The following MXRA5 variants were observed in gnomAD, a reference collection of about 807,000 sequenced individuals.
The protein encoded by MXRA5 is matrix remodeling associated 5, also known as matrix-remodeling-associated protein 5.
MXRA5 carries 41 observed loss-of-function variants against 112.5 expected under a neutral mutation model. The ratio of observed to expected loss-of-function variants is 0.36; its 90% CI spans 0.28 to 0.47. MXRA5 has a LOEUF of 0.47. Ranked by LOEUF, MXRA5 falls within the 20% of genes least tolerant of loss-of-function variation. MXRA5 has a pLI of 0.99. For missense variants in MXRA5, 2,150 were observed against 2,251.0 expected (o/e 0.96, Z 0.91); for synonymous variants, 862 against 900.8 (o/e 0.96, Z 0.77).
intron 5 of MXRA5, among the ~76,000 whole-genome samples, chrX:3,318,981 C>A (rs1490685592): frequency 1.8e-5 from 2 of 111,590 alleles, no homozygotes; most frequent in African/African-American, 6.5e-5. Context: ...ACTGCATGAT[C>A]TCACTTATAT....
intron 2 of MXRA5, among the ~76,000 whole-genome samples, chrX:3,332,323 T>C (rs1476967589): frequency 6.3e-5 from 7 of 111,032 alleles, no homozygotes; most frequent in East Asian, 5.7e-4. Flanking sequence ...CGGCTCACTG[T>C]AAGCTCCGCC....
rs1188399848 is a variant in MXRA5, at chrX:3,317,153, C to T, written c.6528G>A (p.Pro2176=). ...TGGACGGCAGCCTCCAGAGGATGCGCGGCCAGGGGTCCCCCGAGGCGCTGC... is the reference window on the plus strand; with the variant it reads ...TGGACGGCAGCCTCCAGAGGATGCGTGGCCAGGGGTCCCCCGAGGCGCTGC... ...LDCSASGDPW[P]RILWRLPSKR... The change falls in exon 6 of 7, where the codon CCG becomes CCA. Residue 2176 remains proline, a synonymous_variant. Coordinates refer to ENST00000217939, the MANE Select transcript of MXRA5 (RefSeq NM_015419.4). 1.7e-6 allele frequency: 2 copies of T among 1,198,222 alleles called. No homozygotes were observed. Among genetic ancestry groups the T allele is most frequent in the African/African-American group, 3.5e-5 (2 of 57,271 alleles).
intron 2 of MXRA5, among the ~76,000 whole-genome samples, chrX:3,332,082 A>G (rs991843058): frequency 1.8e-5 from 2 of 112,091 alleles, no homozygotes; most frequent in African/African-American, 3.2e-5. Context: ...TTCCAAAGTC[A>G]ACAGAAACAC....
chrX:3,322,486 G>A lies in MXRA5; in HGVS notation c.3199C>T (p.Leu1067=). The A allele has an allele frequency of 1.7e-6, 2 of 1,211,590 alleles. No homozygotes were observed. The change falls in exon 5 of 7, where the codon CTA becomes TTA. Residue 1067 remains leucine (L), a synonymous_variant. Coordinates refer to ENST00000217939, the MANE Select transcript of MXRA5 (RefSeq NM_015419.4). ...KKGMKEMSQT[L]QGGNMLEGDP... ...CCCTCTAGCATATTTCCTCCCTGTAGTGTCTGAGACATCTCTTTCATACCC... is the reference window on the plus strand; with the variant it reads ...CCCTCTAGCATATTTCCTCCCTGTAATGTCTGAGACATCTCTTTCATACCC...
At chrX:3,332,314 G>T (rs1340597073) in intron 2 of MXRA5, among the ~76,000 whole-genome samples, 2 of 109,975 alleles carry the variant, frequency 1.8e-5, no homozygotes, top group Non-Finnish European at 3.8e-5. Flanking sequence ...GGCCCATCTC[G>T]GCTCACTGTA....
rs1210944162 is a variant in MXRA5 at position 3,311,588 on chromosome X, G to A, written c.6615C>T (p.Thr2205=). Residue 2205 remains threonine (T), a synonymous_variant, in exon 7 of 7, where the codon ACC becomes ACT. Transcript: ENST00000217939. ...TGTCCGTCACTGATTTCACCACCAG[G>A]GTCCCATTGGCAAACACCTTGATTC... is the stretch of plus-strand genomic sequence containing the variant. The part of the protein sequence containing the change: ...DSRIKVFANG[T]LVVKSVTDKD... The A allele has an allele frequency of 2.5e-6, 3 of 1,210,819 alleles. No individual in the cohort carries two copies. In the South Asian group the frequency reaches 5.3e-5, roughly 21 times the overall value.
chrX:3,321,968 G>GT lies in MXRA5; in HGVS notation c.3716dup (p.Asn1239LysfsTer26). On this transcript the variant is annotated frameshift_variant, in exon 5 of 7. Coordinates refer to ENST00000217939, the MANE Select transcript of MXRA5 (RefSeq NM_015419.4). LOFTEE classifies it high-confidence loss of function. The stretch of plus-strand genomic sequence containing the variant: ...CTGTAGAAGGGGTATATCGATGTTT[G>GT]TTTGGCCTCTTCCCGTGTTTTCTCC... The GT allele has an allele frequency of 8.3e-7, 1 of 1,211,590 alleles. No individual in the cohort carries two copies. The highest frequency in any genetic ancestry group is 1.1e-6 in the Non-Finnish European group (1 of 895,491).
chrX:3,330,443 G>C (rs375981408), intron 3 of MXRA5, 35 bp from the exon 4 acceptor site: 46 of 1,156,811 alleles, frequency 4.0e-5, no homozygotes, highest in Non-Finnish European at 5.2e-5. Context: ...CAAAACAAAA[G>C]GATCCTGTTT....
In MXRA5 at chrX:3,323,821, A is replaced by G. The variant is rs1921383312; in HGVS notation, c.1864T>C (p.Leu622=). 8.3e-7 allele frequency: 1 copy of G among 1,209,792 alleles called. No homozygotes were observed. Among genetic ancestry groups the G allele is most frequent in the South Asian group, 1.8e-5 (1 of 56,763 alleles). The change falls in exon 5 of 7, where the codon TTG becomes CTG. Residue 622 remains leucine (L), a synonymous_variant. Transcript: ENST00000217939. ...ATGTATACATGTGATGTGTTAGCCA[A>G]ATCATTAATTATCCTTCTGTTTGGA... The part of the protein sequence containing the change: ...ILPNRRIIND[L]ANTSHVYMLP...
intron 4 of MXRA5, among the ~76,000 whole-genome samples, chrX:3,328,529 A>C (rs1334853917): frequency 9.0e-6 from 1 of 111,204 alleles, no homozygotes; most frequent in Admixed American, 9.7e-5. Flanking sequence ...ACATCCTGTA[A>C]AAATGTTCTC....
At chrX:3,341,372 ATAT>A (rs1481900884) in intron 2 of MXRA5, among the ~76,000 whole-genome samples, 186 of 35,458 alleles carry the variant, frequency 5.2e-3, no homozygotes, top group Admixed American at 7.8e-3. Flanking sequence ...TATATAATAT[ATAT>A]TATTATTATA....
At chrX:3,334,298 G>A (rs969621641) in intron 2 of MXRA5, among the ~76,000 whole-genome samples, 18 of 111,882 alleles carry the variant, frequency 1.6e-4, no homozygotes, top group Non-Finnish European at 5.6e-5. Context: ...ATGTTTTGAG[G>A]TCAGGCACAC....
At chrX:3,343,542 G>T in intron 2 of MXRA5, 104 bp downstream of exon 2, 1 of 784,144 alleles carries the variant, frequency 1.3e-6, no homozygotes, top group Non-Finnish European at 1.9e-6. Context: ...CTACACAGAG[G>T]AAATGCACAT....
chrX:3,316,453 G>A (rs961102487), intron 6 of MXRA5, among the ~76,000 whole-genome samples: 1 of 105,066 alleles, frequency 9.5e-6, no homozygotes, highest in South Asian at 4.5e-4. Flanking sequence ...TGAAGTGTTC[G>A]AGATCATCCT....
rs1213090649 is a variant in MXRA5, at chrX:3,319,999, A to G, written c.5677+9T>C. ...AAAAAAAAAAAAAGTAGATGCTTAA[A>G]CATCTTACCTGTGGAAACCTTTGTC... On this transcript the variant is annotated intron_variant, in intron 5 of 6. Transcript: ENST00000217939. 9.5e-6 allele frequency: 11 copies of G among 1,154,379 alleles called. No individual in the cohort carries two copies. The highest frequency in any genetic ancestry group is 1.2e-5 in the Non-Finnish European group (10 of 866,097).
rs769658026 is a variant in MXRA5 at position 3,336,744 on chromosome X, G to A, written c.189-5971C>T. On this transcript the variant is annotated intron_variant, in intron 2 of 6. Coordinates refer to ENST00000217939, the MANE Select transcript of MXRA5 (RefSeq NM_015419.4). ...CAAAAACTTTGTACAGATCAGCTTC[G>A]TATGTGCCTTCAGGATGTAGTGGGC... 2.3e-4 allele frequency among the ~76,000 whole-genome samples: 26 copies of A among 112,498 alleles called. No individual in the cohort carries two copies. The South Asian group carries it at 8.9e-3, about 39-fold the overall frequency.
chrX:3,325,923 A>AT, intron 4 of MXRA5, among the ~76,000 whole-genome samples: 1 of 93,357 alleles, frequency 1.1e-5, no homozygotes, highest in Non-Finnish European at 2.0e-5. Context: ...TCATAAATTT[A>AT]TAATATATAA....
At chrX:3,315,376 AGATAGATAGATAGAT>A (rs1921078332) in intron 6 of MXRA5, among the ~76,000 whole-genome samples, 2 of 26,913 alleles carry the variant, frequency 7.4e-5, no homozygotes, top group African/African-American at 1.6e-4. Context: ...TAGATAGAAT[AGATAGATAGATAGAT>A]GATAGATAGA....
At chrX:3,343,079 T>G (rs1447223797) in intron 2 of MXRA5, among the ~76,000 whole-genome samples, 1 of 112,356 alleles carries the variant, frequency 8.9e-6, no homozygotes, top group East Asian at 2.8e-4. Context: ...ACAACCCTCG[T>G]GTGTATAAAA....
Sources: gnomAD v4.1 joint callset for allele counts (sites outside exome capture counted in the v4.1 genomes callset) on GRCh38, gnomAD v4.1.1 for gene constraint, MANE v1.5 for transcripts, NCBI Gene and HGNC (gene_info 2026-07-23, HGNC 2026-07-21) for gene names.